TACC3: variants seen among roughly 807,000 people sequenced by gnomAD.
The protein encoded by TACC3 is transforming acidic coiled-coil containing protein 3.
Under a neutral mutation model 86.0 loss-of-function variants are expected in TACC3, and 52 were observed. The ratio of observed to expected loss-of-function variants is 0.60; its 90% CI spans 0.48 to 0.76. The LOEUF (loss-of-function observed/expected upper bound fraction) is 0.76. Among genes scored for constraint, TACC3 ranks in the 30% least tolerant of loss-of-function variants. The probability of loss-of-function intolerance (pLI) is 0.00; values close to 1 mark genes in which losing one functional copy is unlikely to be tolerated. For missense variants in TACC3, 1,120 were observed against 1,070.4 expected (o/e 1.05, Z -0.65); for synonymous variants, 512 against 430.0 (o/e 1.19, Z -2.36).
rs528006846 is a variant in TACC3 at position 1,723,511 on chromosome 4, C to A, written c.90C>A (p.Thr30=). 17 of 1,613,770 alleles carry A rather than the reference C, an allele frequency of 1.1e-5. No individual in the cohort carries two copies. The highest frequency in any genetic ancestry group is 1.4e-5 in the Non-Finnish European group (17 of 1,180,008). ...TCCTGTTTTCGCCACCAGAAGTTACCGGAAGATCGTCTGTTCTTCGTGTGT... is the reference window on the plus strand; with the variant it reads ...TCCTGTTTTCGCCACCAGAAGTTACAGGAAGATCGTCTGTTCTTCGTGTGT... ...CDFLFSPPEV[T]GRSSVLRVSQ... The change falls in exon 2 of 16, where the codon ACC becomes ACA. Residue 30 remains threonine (T), a synonymous_variant. Transcript: ENST00000313288.
intron 3 of TACC3, among the ~76,000 whole-genome samples, chr4:1,726,468 C>T (rs1022284905): frequency 2.6e-5 from 4 of 152,220 alleles, no homozygotes; most frequent in Admixed American, 2.6e-4. Flanking sequence ...CAGGACTGAT[C>T]TGTTGGGCAT....
intron 4 of TACC3, among the ~76,000 whole-genome samples, chr4:1,729,995 C>T (rs1255476175): frequency 6.6e-6 from 1 of 152,010 alleles, no homozygotes; most frequent in African/African-American, 2.4e-5. Context: ...CGTGTGCCTT[C>T]ACCTCCTATC....
chr4:1,735,920 G>C lies in TACC3; in HGVS notation c.1748+86G>C. The C allele has an allele frequency of 2.1e-6, 2 of 967,792 alleles. No homozygotes were observed. The highest frequency in any genetic ancestry group is 3.1e-6 in the Non-Finnish European group (2 of 642,146). The allele number at this position is 967,792 out of a possible 1,614,324, so 60.0% of individuals were successfully genotyped here. A position where few individuals can be genotyped will look rare whatever the true frequency, so the allele number is the denominator to read the frequency against. On this transcript the variant is annotated intron_variant, in intron 8 of 15. Transcript: ENST00000313288. This position sits in a 1 kb window ranked among gnomAD's most constrained non-coding sequence, Gnocchi z 4.2. ...TCCTAGGTGTGCTGTCTGCACAGAG[G>C]CTTCTAGACCGGGGGGAGATGATCA...
chr4:1,737,303 A>T lies in TACC3; in HGVS notation c.1811A>T (p.Asp604Val), dbSNP rs758115725. 6.2e-6 allele frequency: 10 copies of T among 1,613,976 alleles called. No individual in the cohort carries two copies. The highest frequency in any genetic ancestry group is 4.2e-6 in the Non-Finnish European group (5 of 1,179,966). Residue 604 changes from aspartate (D) to valine (V), a missense_variant, in exon 9 of 16, where the codon GAT becomes GTT. Transcript: ENST00000313288. ...CGGGAAGCCAAGCTTGTGGAGTTCG[A>T]TTTCTTGGGAGCACTGGACATTCCT... Reference protein sequence around the residue: ...RPREAKLVEFDFLGALDIPVP... With the variant: ...RPREAKLVEFVFLGALDIPVP...
At position 1,731,088 on chromosome 4, in the gene TACC3, A is replaced by G. The variant is rs1454006411; in HGVS notation, c.1462-84A>G. On this transcript the variant is annotated intron_variant, in intron 5 of 15. Coordinates refer to ENST00000313288, the MANE Select transcript of TACC3 (RefSeq NM_006342.3). Reference sequence around the variant, plus strand: ...GTCCCGCTCCCTCTCCCCCAAGTCTACTTCAACAAGGTTGTGGGGAGGCAA... The same window carrying G: ...GTCCCGCTCCCTCTCCCCCAAGTCTGCTTCAACAAGGTTGTGGGGAGGCAA... 7.5e-6 allele frequency: 12 copies of G among 1,597,514 alleles called. No individual in the cohort carries two copies. In the African/African-American group the frequency reaches 1.1e-4, roughly 14 times the overall value.
chr4:1,732,136 A>G (rs1010712475), intron 6 of TACC3, among the ~76,000 whole-genome samples: 1 of 152,108 alleles, frequency 6.6e-6, no homozygotes, highest in Admixed American at 6.5e-5. Flanking sequence ...CTGCACTTGA[A>G]TACGGTTTGT....
At chr4:1,738,766 ATTCCAATTGGCTAT>A (rs911501190) in intron 10 of TACC3, among the ~76,000 whole-genome samples, 8 of 152,298 alleles carry the variant, frequency 5.3e-5, no homozygotes, top group African/African-American at 1.9e-4. Context: ...GTCTAAGCCA[ATTCCAATTGGCTAT>A]TTTAAAGAGG....
intron 10 of TACC3, among the ~76,000 whole-genome samples, chr4:1,739,046 C>T (rs28546072): frequency 7.2e-5 from 11 of 152,132 alleles, no homozygotes; most frequent in African/African-American, 1.9e-4. Flanking sequence ...CAGTGGGTCA[C>T]GCCTGTAATC....
Position 1,739,987 on chromosome 4 carries a change from G to C in TACC3, c.2047G>C (p.Val683Leu), listed in dbSNP as rs1340930055. 1 of 1,612,980 alleles carries C rather than the reference G, an allele frequency of 6.2e-7. No homozygotes were observed. Among genetic ancestry groups the C allele is most frequent in the Admixed American group, 1.7e-5 (1 of 60,008 alleles). Residue 683 changes from valine (V) to leucine (L), a missense_variant, in exon 12 of 16, where the codon GTG (valine) becomes CTG (leucine). Coordinates refer to ENST00000313288, the MANE Select transcript of TACC3 (RefSeq NM_006342.3). Reference protein sequence around the residue: ...GKIMDRFEEVVYQAMEEVQKQ... With the variant: ...GKIMDRFEEVLYQAMEEVQKQ... ...GATCATGGACAGGTTCGAAGAGGTT[G>C]TGTACCAGGCCATGGGTGAGTGCCC... is the stretch of plus-strand genomic sequence containing the variant.
At chr4:1,720,977 C>A (rs1476877699), upstream of TACC3, 2 of 365,416 alleles carry the variant, frequency 5.5e-6, no homozygotes, top group African/African-American at 4.4e-5. The surrounding 1 kb of genome is among the most constrained non-coding windows in gnomAD (Gnocchi z 4.4). Flanking sequence ...GGAGTCCCGC[C>A]GCCCGGCCGC....
chr4:1,742,314 C>T (rs1718634099), intron 13 of TACC3, among the ~76,000 whole-genome samples: 1 of 152,226 alleles, frequency 6.6e-6, no homozygotes, highest in Admixed American at 6.5e-5. Flanking sequence ...CTTGAGGACA[C>T]AGCGGCTTTG....
chr4:1,744,163 G>A (rs1313379573), intron 13 of TACC3, among the ~76,000 whole-genome samples: 2 of 152,220 alleles, frequency 1.3e-5, no homozygotes, highest in Non-Finnish European at 2.9e-5. Context: ...CCAAAGCACA[G>A]GGCTCAGCTC....
At chr4:1,724,511 C>T (rs1717590907) in intron 3 of TACC3, among the ~76,000 whole-genome samples, 1 of 150,374 alleles carries the variant, frequency 6.7e-6, no homozygotes, top group East Asian at 2.0e-4. Flanking sequence ...CTGCCTCAGC[C>T]TCCCGAGTAG....
At chr4:1,742,215 G>T (rs1718630113) in intron 13 of TACC3, 1 of 152,364 alleles carries the variant, frequency 6.6e-6, no homozygotes, top group Admixed American at 6.5e-5. Flanking sequence ...GGGCCCTGTG[G>T]CAGCAGAGTG....
At chr4:1,724,916 A>G (rs1193020339) in intron 3 of TACC3, among the ~76,000 whole-genome samples, 1 of 138,646 alleles carries the variant, frequency 7.2e-6, no homozygotes, top group East Asian at 2.1e-4. Context: ...GTGAGCCACC[A>G]TGCCCGGCCA....
chr4:1,727,619 A>T, intron 3 of TACC3, 89 bp from the exon 4 acceptor site: 2 of 1,513,584 alleles, frequency 1.3e-6, no homozygotes, highest in Non-Finnish European at 1.8e-6. Context: ...CTGGTGTGAG[A>T]ATGTTAAACC....
Position 1,728,114 on chromosome 4 carries a change from C to T in TACC3, c.712C>T (p.His238Tyr). ...GCACGGAGCCGAGGAGGAATGCCGGCACGGTGGGGTCTGTGCTCCCGCAGC... is the reference window on the plus strand; with the variant it reads ...GCACGGAGCCGAGGAGGAATGCCGGTACGGTGGGGTCTGTGCTCCCGCAGC... The part of the protein sequence containing the change: ...TPHGAEEECR[H>Y]GGVCAPAAVA... Residue 238 changes from histidine to tyrosine, a missense_variant, in exon 4 of 16, where the codon CAC becomes TAC. Physicochemically the swap from His to Tyr is moderately conservative, Grantham distance 83 (BLOSUM62 2). Coordinates refer to ENST00000313288, the MANE Select transcript of TACC3 (RefSeq NM_006342.3). 6.2e-7 allele frequency: 1 copy of T among 1,612,382 alleles called. No individual in the cohort carries two copies. Among genetic ancestry groups the T allele is most frequent in the Non-Finnish European group, 8.5e-7 (1 of 1,179,764 alleles).
chr4:1,724,125 C>A (rs189812863), intron 3 of TACC3, among the ~76,000 whole-genome samples: 139 of 152,104 alleles, frequency 9.1e-4, no homozygotes, highest in African/African-American at 3.2e-3. Context: ...CCTGCCACCA[C>A]GCCCGGCTAA....
rs148008952 is a variant in TACC3, at chr4:1,735,575, G to A, written c.1645-156G>A. 4.7e-3 allele frequency among the ~76,000 whole-genome samples: 709 copies of A among 152,244 alleles called. 2 individuals are homozygous for A. Among genetic ancestry groups the A allele is most frequent in the Non-Finnish European group, 7.0e-3 (475 of 68,002 alleles). On this transcript the variant is annotated intron_variant, in intron 7 of 15. Coordinates refer to ENST00000313288, the MANE Select transcript of TACC3 (RefSeq NM_006342.3). The surrounding 1 kb of genome is among the most constrained non-coding windows in gnomAD (Gnocchi z 4.2). ...GAAACTCTGACACGCTGTGCTGCTG[G>A]GAATGGTGGTGTCTCGGGCAGGGTT...
Sources: gnomAD v4.1 joint callset for allele counts (sites outside exome capture counted in the v4.1 genomes callset) on GRCh38, gnomAD v4.1.1 for gene constraint, Gnocchi (gnomAD v3.1) non-coding constraint, MANE v1.5 for transcripts, NCBI Gene and HGNC (gene_info 2026-07-23, HGNC 2026-07-21) for gene names.